Variants in EDA observed in about 807,000 individuals in gnomAD.
EDA encodes the protein ectodysplasin-A.
A neutral mutation model predicts 23.6 loss-of-function variants in EDA; 2 were observed. That is an observed-to-expected ratio of 0.08 (90% confidence interval 0.03 to 0.27). EDA has a LOEUF of 0.27. Among genes scored for constraint, EDA ranks in the 10% least tolerant of loss-of-function variants. The probability of loss-of-function intolerance (pLI) is 1.00; values close to 1 mark genes in which losing one functional copy is unlikely to be tolerated. For synonymous variants in EDA, 131 were observed against 132.0 expected, an observed-to-expected ratio of 0.99 and a Z score of 0.05; for missense variants, 229 against 324.2, an observed-to-expected ratio of 0.71 and a Z score of 2.26.
chrX:69,706,688 A>G (rs917844945), intron 1 of EDA, among the ~76,000 whole-genome samples: 5 of 111,937 alleles, frequency 4.5e-5, no homozygotes, highest in Non-Finnish European at 9.4e-5. Flanking sequence ...CTAATTGGCA[A>G]TTGGTTGAAA....
chrX:69,753,043 A>AT (rs1356177121), intron 1 of EDA, among the ~76,000 whole-genome samples: 1 of 110,204 alleles, frequency 9.1e-6, no homozygotes, highest in East Asian at 2.8e-4. Context: ...GGATTCATTG[A>AT]TTTTTTGAAG....
chrX:69,698,358 G>C (rs2011426659), intron 1 of EDA, among the ~76,000 whole-genome samples: 1 of 111,390 alleles, frequency 9.0e-6, no homozygotes, highest in African/African-American at 3.3e-5. Context: ...ACAGTGTAGG[G>C]CCTGACCACT....
chrX:69,714,235 A>C (rs929387056), intron 1 of EDA, among the ~76,000 whole-genome samples: 1 of 110,596 alleles, frequency 9.0e-6, no homozygotes, highest in African/African-American at 3.3e-5. Flanking sequence ...GTGTCTCTTC[A>C]TGTCTTTTGT....
At chrX:69,735,306 A>G (rs1404292147) in intron 1 of EDA, among the ~76,000 whole-genome samples, 1 of 111,451 alleles carries the variant, frequency 9.0e-6, no homozygotes, top group Non-Finnish European at 1.9e-5. Context: ...ATATATACAC[A>G]CACACATTCA....
intron 1 of EDA, among the ~76,000 whole-genome samples, chrX:69,918,990 C>CA (rs370182402): frequency 0.091 from 8,708 of 95,714 alleles, 301 homozygotes; most frequent in African/African-American, 0.11. Flanking sequence ...ATCCCCATTA[C>CA]AAAAAAAAAA....
intron 1 of EDA, among the ~76,000 whole-genome samples, chrX:69,859,045 ATTGT>A (rs1259230278): frequency 9.0e-6 from 1 of 110,943 alleles, no homozygotes; most frequent in African/African-American, 3.3e-5. Context: ...TTCTTTGATG[ATTGT>A]TTGTATTTCT....
intron 1 of EDA, among the ~76,000 whole-genome samples, chrX:69,746,192 G>T (rs1050422086): frequency 5.2e-4 from 57 of 108,612 alleles, no homozygotes; most frequent in Admixed American, 3.2e-3. Context: ...CTCTCACATT[G>T]TTTGCACTGT....
At chrX:69,704,603 G>T (rs1214057627) in intron 1 of EDA, among the ~76,000 whole-genome samples, 1 of 109,229 alleles carries the variant, frequency 9.2e-6, no homozygotes, top group African/African-American at 3.3e-5. Flanking sequence ...GGAGTGGGGG[G>T]AGTGGGTGGG....
At chrX:69,895,321 C>T (rs2017995396) in intron 1 of EDA, among the ~76,000 whole-genome samples, 1 of 108,339 alleles carries the variant, frequency 9.2e-6, no homozygotes, top group Non-Finnish European at 1.9e-5. Context: ...TAGTTTCCAG[C>T]GGTGAGACTG....
chrX:69,694,874 T>C (rs1242539231), intron 1 of EDA, among the ~76,000 whole-genome samples: 3 of 112,408 alleles, frequency 2.7e-5, no homozygotes, highest in South Asian at 3.7e-4. Flanking sequence ...TTTAATATAT[T>C]GAATAAGCCC....
In EDA at chrX:69,972,635, T is replaced by C. The variant is rs1191233562; in HGVS notation, c.502+15503T>C. Among the ~76,000 whole-genome samples, 2 of 112,079 alleles carry C rather than the reference T, an allele frequency of 1.8e-5. 1 individual carries two copies. The highest frequency in any genetic ancestry group is 3.8e-5 in the Non-Finnish European group (2 of 53,202). On this transcript the variant is annotated intron_variant, in intron 2 of 7. Coordinates refer to ENST00000374552, the MANE Select transcript of EDA (RefSeq NM_001399.5). ...TTGTAAGTCTGCCACTTATTTTCTA[T>C]GAAACTTTGAACATGCTTCTTGATC...
intron 1 of EDA, among the ~76,000 whole-genome samples, chrX:69,655,496 T>G (rs1252695587): frequency 1.1e-5 from 1 of 94,560 alleles, no homozygotes; most frequent in African/African-American, 4.1e-5. Flanking sequence ...TATCATTACC[T>G]TCTTTTACAG....
chrX:69,859,120 C>T (rs1293179699), intron 1 of EDA, among the ~76,000 whole-genome samples: 1 of 110,675 alleles, frequency 9.0e-6, no homozygotes, highest in African/African-American at 3.3e-5. Flanking sequence ...AATCTTCTCT[C>T]ATTTCTTCTT....
chrX:69,659,086 G>A (rs777855735), intron 1 of EDA, among the ~76,000 whole-genome samples: 97 of 111,906 alleles, frequency 8.7e-4, no homozygotes, highest in Non-Finnish European at 4.1e-4. Flanking sequence ...CATTTTTATC[G>A]TGGCCTAGAC....
chrX:69,661,321 C>A, intron 1 of EDA, among the ~76,000 whole-genome samples: 1 of 102,991 alleles, frequency 9.7e-6, no homozygotes, highest in African/African-American at 3.6e-5. Context: ...ATGGTAGTTT[C>A]TTTTGCTGTG....
chrX:69,768,932 CTT>C (rs2014549712), intron 1 of EDA, among the ~76,000 whole-genome samples: 1 of 111,892 alleles, frequency 8.9e-6, no homozygotes, highest in Admixed American at 9.5e-5. Context: ...TTGATTTCCT[CTT>C]TGACCTATGG....
intron 1 of EDA, among the ~76,000 whole-genome samples, chrX:69,638,584 G>T (rs141632239): frequency 0.014 from 1,540 of 111,628 alleles, 20 homozygotes; most frequent in African/African-American, 0.045. Flanking sequence ...GATGCCAAGA[G>T]CTCTGAATGC....
At chrX:69,766,905 G>A (rs2014487624) in intron 1 of EDA, among the ~76,000 whole-genome samples, 3 of 112,019 alleles carry the variant, frequency 2.7e-5, no homozygotes, top group South Asian at 3.7e-4. Flanking sequence ...ATACACTCCC[G>A]CCAACAGTGT....
chrX:69,768,787 G>T (rs1277862491), intron 1 of EDA, among the ~76,000 whole-genome samples: 1 of 111,357 alleles, frequency 9.0e-6, no homozygotes, highest in Non-Finnish European at 1.9e-5. Context: ...GTAGGAAGAT[G>T]GAGTCATTGA....
Sources: allele counts gnomAD v4.1 joint callset (sites outside exome capture counted in the v4.1 genomes callset), GRCh38; gene constraint gnomAD v4.1.1; transcripts MANE v1.5; gene names NCBI Gene and HGNC (gene_info 2026-07-23, HGNC 2026-07-21).